The following INTS9 variants were observed in gnomAD, a reference collection of about 807,000 sequenced individuals.
INTS9 encodes integrator complex subunit 9.
INTS9 carries 55 observed loss-of-function variants against 79.7 expected under a neutral mutation model. That is an observed-to-expected ratio of 0.69 (90% CI 0.56 to 0.86). The LOEUF (loss-of-function observed/expected upper bound fraction) is 0.86. Among genes scored for constraint, INTS9 ranks in the 40% least tolerant of loss-of-function variants. The pLI, the probability that INTS9 is intolerant of heterozygous loss-of-function variation, is 0.00. For missense variants in INTS9, 721 were observed against 831.5 expected (o/e 0.87, Z 1.64); for synonymous variants, 319 against 325.2 (o/e 0.98, Z 0.20).
intron 1 of INTS9, among the ~76,000 whole-genome samples, chr8:28,879,857 C>T (rs1005712366): frequency 6.6e-6 from 1 of 152,038 alleles, no homozygotes; most frequent in Non-Finnish European, 1.5e-5. Flanking sequence ...ATAAAATGAC[C>T]AGAAAGGGCA....
chr8:28,813,105 GGTACTGA>G (rs1335746846), intron 7 of INTS9, among the ~76,000 whole-genome samples: 2 of 152,192 alleles, frequency 1.3e-5, no homozygotes, highest in Admixed American at 6.5e-5. Flanking sequence ...CTTGTTGTTC[GGTACTGA>G]GTAGCTCTGG....
chr8:28,819,046 CTTCT>C (rs1372387043), intron 6 of INTS9, among the ~76,000 whole-genome samples: 2 of 151,894 alleles, frequency 1.3e-5, no homozygotes, highest in East Asian at 1.9e-4. Flanking sequence ...TCTCTCTTTT[CTTCT>C]TTATTAGTCT....
intron 6 of INTS9, among the ~76,000 whole-genome samples, chr8:28,830,058 A>C (rs1806387642): frequency 1.3e-5 from 2 of 151,920 alleles, no homozygotes; most frequent in South Asian, 4.2e-4. Flanking sequence ...TGAAGAAAAA[A>C]AAAAAAGAGT....
intron 2 of INTS9, among the ~76,000 whole-genome samples, chr8:28,855,290 G>A (rs1808084370): frequency 6.6e-6 from 1 of 152,252 alleles, no homozygotes; most frequent in Non-Finnish European, 1.5e-5. Context: ...AGGTACTGGA[G>A]GGGCAGGCGT....
intron 6 of INTS9, among the ~76,000 whole-genome samples, chr8:28,831,206 G>C (rs1237140023): frequency 6.6e-6 from 1 of 152,212 alleles, no homozygotes; most frequent in Admixed American, 6.5e-5. Context: ...ACTAACATAG[G>C]AACAGAAAAC....
chr8:28,780,377 TA>T, intron 12 of INTS9: 1 of 985,200 alleles, frequency 1.0e-6, no homozygotes, highest in Non-Finnish European at 1.2e-6. Context: ...ATTATCTATG[TA>T]AACACTCTAC....
intron 10 of INTS9, among the ~76,000 whole-genome samples, chr8:28,791,319 T>A (rs1355534827): frequency 6.6e-6 from 1 of 151,842 alleles, no homozygotes; most frequent in Non-Finnish European, 1.5e-5. Context: ...ATGGACAGGA[T>A]CCCTCTAGCC....
chr8:28,817,495 T>C (rs1805561517), intron 6 of INTS9, among the ~76,000 whole-genome samples: 1 of 152,186 alleles, frequency 6.6e-6, no homozygotes, highest in Admixed American at 6.5e-5. Context: ...GAGGGCTCTG[T>C]TGTGTTCCAT....
At chr8:28,871,429 G>A (rs978229865) in intron 1 of INTS9, among the ~76,000 whole-genome samples, 10 of 151,888 alleles carry the variant, frequency 6.6e-5, no homozygotes, top group Non-Finnish European at 1.3e-4. Flanking sequence ...TTTTGAGACA[G>A]GGTCTCACTC....
At chr8:28,848,436 A>C (rs1317928922) in intron 3 of INTS9, among the ~76,000 whole-genome samples, 4 of 152,122 alleles carry the variant, frequency 2.6e-5, no homozygotes, top group Non-Finnish European at 5.9e-5. Context: ...TTGATAGACA[A>C]TTTCCTCCCC....
intron 12 of INTS9, among the ~76,000 whole-genome samples, chr8:28,779,612 T>C (rs1803120204): frequency 6.6e-6 from 1 of 152,144 alleles, no homozygotes; most frequent in African/African-American, 2.4e-5. Flanking sequence ...TGACCCTGCA[T>C]CCTGACGCCA....
chr8:28,787,844 AGGT>A lies in INTS9; in HGVS notation c.1080_1082del (p.Pro361del). 2.5e-6 allele frequency: 4 copies of A among 1,608,444 alleles called. No homozygotes were observed. The highest frequency in any genetic ancestry group is 3.4e-6 in the Non-Finnish European group (4 of 1,175,508). ...GTTTTCTTACCTCTGCATGAGGAAA[AGGT>A]GGTTCTGGAAGATACACCTTACTCT... is the stretch of plus-strand genomic sequence containing the variant. On this transcript the variant is annotated inframe_deletion, in exon 11 of 17. Transcript: ENST00000521022.
At chr8:28,804,832 T>C (rs1231610357) in intron 8 of INTS9, among the ~76,000 whole-genome samples, 1 of 152,058 alleles carries the variant, frequency 6.6e-6, no homozygotes, top group Non-Finnish European at 1.5e-5. Flanking sequence ...CACCTAGAAA[T>C]ACTGTGAACA....
chr8:28,772,885 A>C (rs894063250), intron 14 of INTS9, among the ~76,000 whole-genome samples: 3 of 152,234 alleles, frequency 2.0e-5, no homozygotes, highest in Non-Finnish European at 2.9e-5. Flanking sequence ...ACTTGAATAA[A>C]ATTGGAAAAT....
chr8:28,799,106 C>G (rs1804374402), intron 8 of INTS9, among the ~76,000 whole-genome samples: 1 of 152,136 alleles, frequency 6.6e-6, no homozygotes, highest in Non-Finnish European at 1.5e-5. Flanking sequence ...ACCAGCCTGG[C>G]CAACATAGCG....
intron 10 of INTS9, among the ~76,000 whole-genome samples, chr8:28,793,480 T>C (rs890969907): frequency 6.6e-6 from 1 of 152,150 alleles, no homozygotes. Context: ...GGCTTGAAAA[T>C]TTTTTTAACT....
At chr8:28,791,835 C>T (rs983510023) in intron 10 of INTS9, among the ~76,000 whole-genome samples, 3 of 152,030 alleles carry the variant, frequency 2.0e-5, no homozygotes, top group African/African-American at 7.2e-5. Flanking sequence ...TAAGAGTCTA[C>T]GGGAGGAATA....
In INTS9 at chr8:28,831,173, G is replaced by A. The variant is rs1806462994; in HGVS notation, c.488+4119C>T. On this transcript the variant is annotated intron_variant, in intron 6 of 16. Coordinates refer to ENST00000521022, the MANE Select transcript of INTS9 (RefSeq NM_018250.4). ...TGTCTGTTGTAGGGACATAGATGGA[G>A]CTGAAGCCATTATCCTCAGCAAACT... Among the ~76,000 whole-genome samples the A allele has an allele frequency of 2.0e-5, 3 of 152,200 alleles. No individual in the cohort carries two copies. The South Asian group carries it at 6.2e-4, about 32-fold the overall frequency.
intron 15 of INTS9, among the ~76,000 whole-genome samples, chr8:28,770,516 G>T (rs1474017281): frequency 6.6e-6 from 1 of 152,212 alleles, no homozygotes; most frequent in Non-Finnish European, 1.5e-5. Flanking sequence ...CCAGCACAGG[G>T]TCTAATAGAC....
Sources: allele counts gnomAD v4.1 joint callset (sites outside exome capture counted in the v4.1 genomes callset), GRCh38; gene constraint gnomAD v4.1.1; transcripts MANE v1.5; gene names NCBI Gene and HGNC (gene_info 2026-07-23, HGNC 2026-07-21).